The following FGF1 variants were observed in gnomAD, a reference collection of about 807,000 sequenced individuals.
FGF1 encodes the protein fibroblast growth factor 1.
Under a neutral mutation model 13.4 loss-of-function variants are expected in FGF1, and 9 were observed. The observed-to-expected ratio is 0.67, with a 90% CI of 0.40 to 1.17. The LOEUF is 1.17. FGF1 is among the 50% of genes most tolerant of loss of function. The probability of loss-of-function intolerance (pLI) is 0.01; values close to 1 mark genes in which losing one functional copy is unlikely to be tolerated. For synonymous variants in FGF1, 93 were observed against 79.0 expected (o/e 1.18, Z -0.94); for missense variants, 156 against 192.7 (o/e 0.81, Z 1.13).
chr5:142,670,934 T>G (rs2015008), intron 1 of FGF1, among the ~76,000 whole-genome samples: 49,390 of 152,116 alleles, frequency 0.32, 8,605 homozygotes, highest in African/African-American at 0.46. Context: ...TGGCCCAGCC[T>G]TCAGAAGCGC....
At chr5:142,604,287 T>A (rs981570669) in intron 2 of FGF1, among the ~76,000 whole-genome samples, 3 of 152,232 alleles carry the variant, frequency 2.0e-5, no homozygotes, top group African/African-American at 7.2e-5. Context: ...CTGGTTTTTT[T>A]TTAAATGGTT....
intron 2 of FGF1, among the ~76,000 whole-genome samples, chr5:142,693,006 G>T (rs1194620586): frequency 6.6e-6 from 1 of 152,160 alleles, no homozygotes; most frequent in Non-Finnish European, 1.5e-5. Context: ...TTAAAACCCA[G>T]AAGTGAAAAT....
At chr5:142,674,806 T>C (rs1051762902) in intron 1 of FGF1, among the ~76,000 whole-genome samples, 1 of 152,168 alleles carries the variant, frequency 6.6e-6, no homozygotes, top group Non-Finnish European at 1.5e-5. Context: ...TCTAAAGAGA[T>C]ATTCTTTATA....
At chr5:142,648,282 TA>T (rs17223346) in intron 1 of FGF1, among the ~76,000 whole-genome samples, 37,254 of 150,958 alleles carry the variant, frequency 0.25, 4,948 homozygotes, top group African/African-American at 0.34. Flanking sequence ...ATAGACTGGA[TA>T]AAAAAAAATG....
intron 1 of FGF1, among the ~76,000 whole-genome samples, chr5:142,625,021 T>C (rs1045767506): frequency 6.6e-6 from 1 of 152,222 alleles, no homozygotes; most frequent in Non-Finnish European, 1.5e-5. Context: ...ATATGCACCA[T>C]ACTACCTCGC....
intron 2 of FGF1, among the ~76,000 whole-genome samples, chr5:142,692,139 T>C (rs1017975996): frequency 6.6e-6 from 1 of 152,206 alleles, no homozygotes; most frequent in Non-Finnish European, 1.5e-5. Flanking sequence ...AAGACCAGCC[T>C]GGGCAACATG....
chr5:142,660,250 C>G (rs968850476), intron 1 of FGF1, among the ~76,000 whole-genome samples: 1 of 152,240 alleles, frequency 6.6e-6, no homozygotes, highest in African/African-American at 2.4e-5. Context: ...GCCCTCCCTG[C>G]GGCATGGTTT....
At chr5:142,619,727 G>A (rs981607553) in intron 1 of FGF1, among the ~76,000 whole-genome samples, 2 of 152,062 alleles carry the variant, frequency 1.3e-5, no homozygotes, top group Non-Finnish European at 2.9e-5. Flanking sequence ...CAGCTACTCA[G>A]GAGGCTGAGG....
intron 2 of FGF1, among the ~76,000 whole-genome samples, chr5:142,694,374 A>G (rs4912876): frequency 0.45 from 68,773 of 151,984 alleles, 17,585 homozygotes; most frequent in African/African-American, 0.7. Flanking sequence ...AAAGATAAAG[A>G]AAATGACGTA....
At chr5:142,640,435 G>C (rs1046899807) in intron 1 of FGF1, among the ~76,000 whole-genome samples, 1 of 149,272 alleles carries the variant, frequency 6.7e-6, no homozygotes, top group African/African-American at 2.5e-5. Context: ...GTGGGGGGGG[G>C]GGTCTCTCTG....
intron 1 of FGF1, among the ~76,000 whole-genome samples, chr5:142,619,632 G>A (rs866545618): frequency 2.6e-5 from 4 of 152,114 alleles, no homozygotes; most frequent in Admixed American, 2.0e-4. Flanking sequence ...GCTTATCTTC[G>A]TGACCAGCCT....
intron 1 of FGF1, among the ~76,000 whole-genome samples, chr5:142,664,908 A>G (rs10066712): frequency 6.6e-6 from 1 of 152,226 alleles, no homozygotes; most frequent in Non-Finnish European, 1.5e-5. Flanking sequence ...CTAAACTCAT[A>G]GGGTTATTTT....
intron 2 of FGF1, chr5:142,601,140 G>A (rs1756470462): frequency 1.9e-6 from 1 of 521,054 alleles, no homozygotes; most frequent in Non-Finnish European, 3.8e-6. Context: ...AATAATCACA[G>A]GAGGAAATGG....
In FGF1 at chr5:142,592,301, G is replaced by A. The variant is rs1034919251; in HGVS notation, c.*2989C>T. The stretch of plus-strand genomic sequence containing the variant: ...TGCTTTGCAGCCTGTGAGTTTAGTT[G>A]TCAGCAGTACACTCAAGGCTGAGGA... On this transcript the variant is annotated 3_prime_UTR_variant, in exon 4 of 4. Transcript: ENST00000337706. 2.3e-5 allele frequency: 9 copies of A among 398,420 alleles called. No homozygotes were observed. Among genetic ancestry groups the A allele is most frequent in the African/African-American group, 1.9e-4 (9 of 48,624 alleles). 24.7% of individuals were successfully genotyped at this position (398,420 alleles called of 1,614,324 possible).
At chr5:142,637,205 A>G (rs1324786445) in intron 1 of FGF1, among the ~76,000 whole-genome samples, 1 of 152,008 alleles carries the variant, frequency 6.6e-6, no homozygotes, top group African/African-American at 2.4e-5. Context: ...CTCGAATTTT[A>G]AAATCCCAAC....
chr5:142,670,626 A>G lies in FGF1; in HGVS notation c.-35+15331T>C, dbSNP rs183123800. Among the ~76,000 whole-genome samples, 5 of 152,318 alleles carry G rather than the reference A, an allele frequency of 3.3e-5. No homozygotes were observed. The East Asian group carries it at 9.6e-4, about 29-fold the overall frequency. On this transcript the variant is annotated intron_variant, in intron 1 of 3. Transcript: ENST00000337706. ...GTATAGATTCTTACATGCAGAAGGC[A>G]CTCAACCAACGCCAGCAAAGCATAT...
At chr5:142,616,516 CAGAG>C (rs1386671869) in intron 1 of FGF1, among the ~76,000 whole-genome samples, 2 of 152,208 alleles carry the variant, frequency 1.3e-5, no homozygotes, top group Non-Finnish European at 2.9e-5. Context: ...GTCAATTTCA[CAGAG>C]AGGATTGCAG....
chr5:142,608,476 A>C (rs1004829523), intron 2 of FGF1, among the ~76,000 whole-genome samples: 4 of 149,192 alleles, frequency 2.7e-5, no homozygotes, highest in Non-Finnish European at 4.4e-5. Flanking sequence ...AATTTGGGGG[A>C]AAATAATTCC....
intron 1 of FGF1, among the ~76,000 whole-genome samples, chr5:142,660,548 T>C (rs1001051931): frequency 2.6e-5 from 4 of 152,186 alleles, no homozygotes; most frequent in African/African-American, 9.7e-5. Flanking sequence ...TCAGCATCTA[T>C]ATCACGCAGG....
Sources: allele counts gnomAD v4.1 joint callset (sites outside exome capture counted in the v4.1 genomes callset), GRCh38; gene constraint gnomAD v4.1.1; transcripts MANE v1.5; gene names NCBI Gene and HGNC (gene_info 2026-07-23, HGNC 2026-07-21).